ASXL1: variants seen among roughly 807,000 people sequenced by gnomAD.
ASXL1 encodes ASXL transcriptional regulator 1, also known as polycomb group protein ASXL1.
A neutral mutation model predicts 89.1 loss-of-function variants in ASXL1; 65 were observed. The observed-to-expected ratio is 0.73, with a 90% CI of 0.60 to 0.90. The LOEUF (loss-of-function observed/expected upper bound fraction) is 0.90. Among genes scored for constraint, ASXL1 ranks in the 40% least tolerant of loss-of-function variants. The pLI, the probability that ASXL1 is intolerant of heterozygous loss-of-function variation, is 0.00. For missense variants in ASXL1, 1,786 were observed against 1,942.9 expected (o/e 0.92, Z 1.52); for synonymous variants, 739 against 746.9 (o/e 0.99, Z 0.17).
chr20:32,401,552 C>CTTTT (rs777632008), intron 4 of ASXL1, among the ~76,000 whole-genome samples: 1,588 of 120,318 alleles, frequency 0.013, 51 homozygotes, highest in East Asian at 0.11. Context: ...GTGTTTTTTC[C>CTTTT]CCCCCCCCCT....
In ASXL1 at chr20:32,368,550, C is replaced by G. The variant is rs1173690883; in HGVS notation, c.144-465C>G. Among the ~76,000 whole-genome samples the G allele has an allele frequency of 6.6e-5, 10 of 152,166 alleles. 1 individual carries two copies. In the South Asian group the frequency reaches 2.1e-3, roughly 32 times the overall value. ...AAAATGTTTAACTGGAAAAAAAGTT[C>G]TGCTTGTTTTATTGGCACAGCACCA... On this transcript the variant is annotated intron_variant, in intron 3 of 12. Transcript: ENST00000375687.
chr20:32,359,041 G>T (rs2048062949), intron 1 of ASXL1: 1 of 606,186 alleles, frequency 1.6e-6, no homozygotes, highest in African/African-American at 1.9e-5. Flanking sequence ...GCTCGCCCTC[G>T]CGCCCCCCCC....
intron 4 of ASXL1, among the ~76,000 whole-genome samples, chr20:32,388,706 C>A (rs1600507963): frequency 6.6e-6 from 1 of 152,008 alleles, no homozygotes; most frequent in South Asian, 2.1e-4. Context: ...TAATTTCAGG[C>A]CTTTTCCAGT....
rs3830917 is a variant in ASXL1 at position 32,359,733 on chromosome 20, G to GAGA, written c.57+901_57+902insAGA. The GAGA allele has an allele frequency of 5.6e-4, 399 of 718,152 alleles. 8 individuals carry two copies. The East Asian group carries it at 0.011, about 19-fold the overall frequency. 44.5% of individuals were successfully genotyped at this position (718,152 alleles called of 1,614,324 possible). A position where few individuals can be genotyped will look rare whatever the true frequency, so the allele number is the denominator to read the frequency against. ...GAGCGTAACTTGAGTGTTTGAAGCC[G>GAGA]TCTCGTTCAACCGATGGGGGTTGTG... On this transcript the variant is annotated intron_variant, in intron 1 of 12. Coordinates refer to ENST00000375687, the MANE Select transcript of ASXL1 (RefSeq NM_015338.6).
intron 4 of ASXL1, among the ~76,000 whole-genome samples, chr20:32,377,171 T>C (rs1418170594): frequency 6.9e-6 from 1 of 144,226 alleles, no homozygotes; most frequent in Non-Finnish European, 1.5e-5. Flanking sequence ...AAATATATTA[T>C]ATATAATATA....
intron 4 of ASXL1, among the ~76,000 whole-genome samples, chr20:32,407,956 G>C (rs2123090296): frequency 1.3e-5 from 2 of 152,180 alleles, no homozygotes; most frequent in East Asian, 3.9e-4. Context: ...TTTTATTTTT[G>C]AGAGGGAGTC....
intron 4 of ASXL1, among the ~76,000 whole-genome samples, chr20:32,400,888 G>A (rs183213221): frequency 1.3e-5 from 2 of 152,266 alleles, no homozygotes; most frequent in East Asian, 1.9e-4. Flanking sequence ...TGCCTGCTGC[G>A]CAGCATCTTG....
rs755103735 is a variant in ASXL1, at chr20:32,377,756, G to A, written c.252+8633G>A. Among the ~76,000 whole-genome samples, 14 of 151,232 alleles carry A rather than the reference G, an allele frequency of 9.3e-5. No homozygotes were observed. The South Asian group carries it at 1.5e-3, about 16-fold the overall frequency. On this transcript the variant is annotated intron_variant, in intron 4 of 12. Transcript: ENST00000375687. ...CAACCTCCGCCTCCCAGGTCCAAGC[G>A]ATTCTCTTACCTCAGCCTCCTGCGT...
rs535179959 is a variant in ASXL1, at chr20:32,383,588, G to T, written c.252+14465G>T. 3.3e-5 allele frequency among the ~76,000 whole-genome samples: 5 copies of T among 152,270 alleles called. No individual in the cohort carries two copies. The East Asian group carries it at 9.6e-4, about 29-fold the overall frequency. ...TCCCACAAGTGCTGGGATTACAGGCGTGAGCCACTGCACCCGGCCAGTTGT... is the reference window on the plus strand; with the variant it reads ...TCCCACAAGTGCTGGGATTACAGGCTTGAGCCACTGCACCCGGCCAGTTGT... On this transcript the variant is annotated intron_variant, in intron 4 of 12. Coordinates refer to ENST00000375687, the MANE Select transcript of ASXL1 (RefSeq NM_015338.6).
intron 4 of ASXL1, among the ~76,000 whole-genome samples, chr20:32,370,920 G>C (rs893903896): frequency 2.0e-5 from 3 of 149,796 alleles, no homozygotes; most frequent in Non-Finnish European, 4.4e-5. Context: ...GGAGGCTAAG[G>C]CGGGAGGATT....
At chr20:32,371,914 T>C (rs1600480445) in intron 4 of ASXL1, 6 of 364,392 alleles carry the variant, frequency 1.6e-5, no homozygotes, top group Non-Finnish European at 2.6e-5. Context: ...ATCTCATATA[T>C]AGCTTATTGT....
At chr20:32,421,422 T>C (rs2049246975) in intron 4 of ASXL1, among the ~76,000 whole-genome samples, 1 of 152,078 alleles carries the variant, frequency 6.6e-6, no homozygotes, top group African/African-American at 2.4e-5. Flanking sequence ...AGGATTTGGA[T>C]CAACTGGAAC....
chr20:32,408,399 G>T (rs2048990967), intron 4 of ASXL1, among the ~76,000 whole-genome samples: 1 of 152,080 alleles, frequency 6.6e-6, no homozygotes. Context: ...ATATGTTTTT[G>T]TACTCTGTTC....
At chr20:32,395,358 T>G (rs1039841693) in intron 4 of ASXL1, among the ~76,000 whole-genome samples, 1 of 152,240 alleles carries the variant, frequency 6.6e-6, no homozygotes, top group Non-Finnish European at 1.5e-5. Flanking sequence ...TTATTTCTCC[T>G]GTAAAATCTG....
At chr20:32,414,269 A>G (rs7274691) in intron 4 of ASXL1, among the ~76,000 whole-genome samples, 43 of 142,364 alleles carry the variant, frequency 3.0e-4, no homozygotes, top group Admixed American at 8.3e-4. Context: ...TGGACCTTCT[A>G]TTTGTTGGAT....
chr20:32,429,173 G>C lies in ASXL1; in HGVS notation c.472-165G>C. The C allele has an allele frequency of 1.4e-6, 1 of 710,470 alleles. No homozygotes were observed. Among genetic ancestry groups the C allele is most frequent in the Non-Finnish European group, 2.5e-6 (1 of 398,734 alleles). 44.0% of individuals were successfully genotyped at this position (710,470 alleles called of 1,614,324 possible). A position where few individuals can be genotyped will look rare whatever the true frequency, so the allele number is the denominator to read the frequency against. On this transcript the variant is annotated intron_variant, in intron 6 of 12. Coordinates refer to ENST00000375687, the MANE Select transcript of ASXL1 (RefSeq NM_015338.6). The surrounding 1 kb of genome is among the most constrained non-coding windows in gnomAD (Gnocchi z 4.9). ...TGATGCTTGGCACAGTGACCAGCAC[G>C]TAGCTCAGTAACATTAACCAGTGCT... is the stretch of plus-strand genomic sequence containing the variant.
rs1214409436 is a variant in ASXL1 at position 32,437,093 on chromosome 20, C to T, written c.4381C>T (p.Pro1461Ser). 6.2e-7 allele frequency: 1 copy of T among 1,614,202 alleles called. No individual in the cohort carries two copies. The highest frequency in any genetic ancestry group is 1.7e-5 in the Admixed American group (1 of 60,026). The change falls in exon 13 of 13, where the codon CCC becomes TCC. Residue 1461 changes from proline to serine, a missense_variant. Coordinates refer to ENST00000375687, the MANE Select transcript of ASXL1 (RefSeq NM_015338.6). Reference sequence around the variant, plus strand: ...CAGCTTTAATTATTCCTCTAGCTCTCCCACCTTTCCCAAAGGCCTTGCTGG... The same window carrying T: ...CAGCTTTAATTATTCCTCTAGCTCTTCCACCTTTCCCAAAGGCCTTGCTGG... ...STSFNYSSSS[P>S]TFPKGLAGSV... is the part of the protein sequence containing the mutation.
chr20:32,399,761 T>A (rs866993790), intron 4 of ASXL1, among the ~76,000 whole-genome samples: 7,018 of 128,042 alleles, frequency 0.055, 437 homozygotes, highest in Admixed American at 0.16. Flanking sequence ...TTTTTTTTTT[T>A]TTTTTTTTTT....
intron 4 of ASXL1, among the ~76,000 whole-genome samples, chr20:32,411,898 A>T (rs1051483330): frequency 2.0e-5 from 3 of 151,998 alleles, no homozygotes; most frequent in African/African-American, 7.3e-5. Context: ...TTAATGTACA[A>T]ATTGTCGCTG....
Sources: allele counts gnomAD v4.1 joint callset (sites outside exome capture counted in the v4.1 genomes callset), GRCh38; gene constraint gnomAD v4.1.1; non-coding constraint Gnocchi (gnomAD v3.1); transcripts MANE v1.5; gene names NCBI Gene and HGNC (gene_info 2026-07-23, HGNC 2026-07-21).